Variants in ANK3 observed in about 807,000 individuals in gnomAD.
ANK3 encodes the protein ankyrin-3.
ANK3 carries 57 observed loss-of-function variants against 370.9 expected under a neutral mutation model. The observed-to-expected ratio is 0.15, with a 90% CI of 0.12 to 0.19. The LOEUF is 0.19. ANK3 is among the 10% of genes least tolerant of loss of function. The pLI is 1.00. For missense variants in ANK3, 4,439 were observed against 5,302.1 expected (o/e 0.84, Z 5.06); for synonymous variants, 1,929 against 1,946.3 (o/e 0.99, Z 0.23).
At chr10:60,219,345 G>A (rs987177868) in intron 8 of ANK3, among the ~76,000 whole-genome samples, 2 of 151,992 alleles carry the variant, frequency 1.3e-5, no homozygotes, top group Non-Finnish European at 2.9e-5. Flanking sequence ...TCAATGATCC[G>A]TCACAGGACA....
intron 29 of ANK3, among the ~76,000 whole-genome samples, chr10:60,087,552 G>C (rs1458128221): frequency 1.3e-5 from 2 of 152,108 alleles, no homozygotes; most frequent in Non-Finnish European, 2.9e-5. Context: ...GGAGAGTCCA[G>C]CCTCACAAGA....
At chr10:60,199,670 T>A (rs1313378863) in intron 13 of ANK3, among the ~76,000 whole-genome samples, 1 of 151,892 alleles carries the variant, frequency 6.6e-6, no homozygotes, top group Non-Finnish European at 1.5e-5. Context: ...CGAGGCCAAT[T>A]CTGAAGTGGC....
At chr10:60,481,623 C>T (rs1033305795) in intron 2 of ANK3, among the ~76,000 whole-genome samples, 4 of 152,076 alleles carry the variant, frequency 2.6e-5, no homozygotes, top group African/African-American at 7.2e-5. Context: ...CCACCATGCC[C>T]GGCTAATTTT....
At chr10:60,586,291 G>A (rs141773143) in intron 2 of ANK3, among the ~76,000 whole-genome samples, 1 of 152,268 alleles carries the variant, frequency 6.6e-6, no homozygotes, top group East Asian at 1.9e-4. Context: ...TGTTCTCAGA[G>A]GGTAGAATTT....
chr10:60,486,225 A>C (rs1020079305), intron 2 of ANK3, among the ~76,000 whole-genome samples: 1 of 152,250 alleles, frequency 6.6e-6, no homozygotes, highest in Non-Finnish European at 1.5e-5. Flanking sequence ...AATAAAAAGA[A>C]TAGTGAATAA....
intron 16 of ANK3, among the ~76,000 whole-genome samples, chr10:60,189,848 A>G (rs1819721528): frequency 6.6e-6 from 1 of 152,246 alleles, no homozygotes; most frequent in Non-Finnish European, 1.5e-5. Flanking sequence ...TATCAAAAGT[A>G]ATATATAGCA....
intron 42 of ANK3, among the ~76,000 whole-genome samples, chr10:60,052,282 C>A (rs573476875): frequency 6.6e-6 from 1 of 152,064 alleles, no homozygotes. Context: ...GAGCTGAAAT[C>A]GCGCCACTGC....
chr10:60,163,983 T>C (rs940068656), intron 23 of ANK3, among the ~76,000 whole-genome samples: 2 of 152,208 alleles, frequency 1.3e-5, no homozygotes, highest in Admixed American at 1.3e-4. Flanking sequence ...CACAGCTGCA[T>C]AGGAGCTTAC....
chr10:60,381,779 A>G (rs957175174), intron 1 of ANK3, among the ~76,000 whole-genome samples: 1 of 152,170 alleles, frequency 6.6e-6, no homozygotes, highest in Non-Finnish European at 1.5e-5. Context: ...TAAAGAAAAA[A>G]TAGTATCCCT....
At chr10:60,349,345 A>T (rs1328861201) in intron 1 of ANK3, among the ~76,000 whole-genome samples, 1 of 152,196 alleles carries the variant, frequency 6.6e-6, no homozygotes, top group African/African-American at 2.4e-5. Context: ...CAAAAACCTC[A>T]TGTGTTATAG....
chr10:60,391,814 ACT>A (rs1472560620), upstream of ANK3, among the ~76,000 whole-genome samples: 1 of 152,142 alleles, frequency 6.6e-6, no homozygotes, highest in Non-Finnish European at 1.5e-5. Context: ...CTCTAGAATA[ACT>A]CTTTGCTTCC....
chr10:60,679,463 G>T (rs528388928), intron 1 of ANK3, among the ~76,000 whole-genome samples: 1 of 152,294 alleles, frequency 6.6e-6, no homozygotes, highest in African/African-American at 2.4e-5. Context: ...GATTTCAGGA[G>T]TTGAGTGAGT....
chr10:60,111,387 C>T (rs2132104342), intron 26 of ANK3, among the ~76,000 whole-genome samples: 1 of 152,158 alleles, frequency 6.6e-6, no homozygotes, highest in South Asian at 2.1e-4. Flanking sequence ...AAAAGTGGGA[C>T]TATTCATTAA....
At chr10:60,465,302 GA>G (rs1392052339) in intron 2 of ANK3, among the ~76,000 whole-genome samples, 1 of 151,952 alleles carries the variant, frequency 6.6e-6, no homozygotes, top group African/African-American at 2.4e-5. Flanking sequence ...AAAAGAGAGA[GA>G]AGTTCTTCAT....
Position 60,112,746 on chromosome 10 carries a change from C to G in ANK3, c.2948+1479G>C, listed in dbSNP as rs1433808214. Among the ~76,000 whole-genome samples the G allele has an allele frequency of 3.9e-5, 6 of 152,026 alleles. No individual in the cohort carries two copies. The South Asian group carries it at 1.2e-3, about 32-fold the overall frequency. ...TACATGTAAAAGATTTAGCACAATG[C>G]CAGGTACACGACAAGAAGTAAGTAA... On this transcript the variant is annotated intron_variant, in intron 26 of 43. Transcript: ENST00000280772.
chr10:60,317,981 G>T (rs979357101), intron 1 of ANK3, among the ~76,000 whole-genome samples: 2 of 151,500 alleles, frequency 1.3e-5, no homozygotes, highest in Non-Finnish European at 2.9e-5. Context: ...CTTCATGAGA[G>T]AATTTTGACA....
At chr10:60,399,860 T>G (rs1466371049) in intron 2 of ANK3, among the ~76,000 whole-genome samples, 1 of 152,234 alleles carries the variant, frequency 6.6e-6, no homozygotes, top group Non-Finnish European at 1.5e-5. Context: ...AGCATACATC[T>G]AATTTAAATC....
At chr10:60,675,737 G>A (rs2079116367) in intron 1 of ANK3, among the ~76,000 whole-genome samples, 1 of 152,130 alleles carries the variant, frequency 6.6e-6, no homozygotes, top group African/African-American at 2.4e-5. Flanking sequence ...ACTAAATTTT[G>A]TTTATAAATA....
At chr10:60,405,745 AAAAG>A (rs1336176580) in intron 2 of ANK3, among the ~76,000 whole-genome samples, 1 of 152,236 alleles carries the variant, frequency 6.6e-6, no homozygotes, top group Admixed American at 6.5e-5. Flanking sequence ...GAAATATATA[AAAAG>A]AAAGATAAAT....
Sources: gnomAD v4.1 joint callset for allele counts (sites outside exome capture counted in the v4.1 genomes callset) on GRCh38, gnomAD v4.1.1 for gene constraint, MANE v1.5 for transcripts, NCBI Gene and HGNC (gene_info 2026-07-23, HGNC 2026-07-21) for gene names.